OR52A1: variants seen among roughly 807,000 people sequenced by gnomAD.
OR52A1 encodes olfactory receptor 52A1.
Under a neutral mutation model 14.3 loss-of-function variants are expected in OR52A1, and 14 were observed. The observed-to-expected ratio is 0.98, with a 90% CI of 0.65 to 1.54. The LOEUF is 1.54. OR52A1 is among the 40% of genes most tolerant of loss of function. The pLI, the probability that OR52A1 is intolerant of heterozygous loss-of-function variation, is 0.00. For synonymous variants in OR52A1, 151 were observed against 135.3 expected, an observed-to-expected ratio of 1.12 and a Z score of -0.80; for missense variants, 405 against 381.3, an observed-to-expected ratio of 1.06 and a Z score of -0.52.
rs1472991414 is a variant in OR52A1, at chr11:5,148,971, TA to T, written c.*2459del. The T allele has an allele frequency of 6.6e-6, 1 of 152,254 alleles. No individual in the cohort carries two copies. Among genetic ancestry groups the T allele is most frequent in the Non-Finnish European group, 1.5e-5 (1 of 68,038 alleles). 9.4% of individuals were successfully genotyped at this position (152,254 alleles called of 1,614,324 possible). ...ATTTTAGTCATTGTTGAAATTGATG[TA>T]ATCTCCTGGAAGTTAATTTTATGAT... On this transcript the variant is annotated 3_prime_UTR_variant, in exon 2 of 2. Transcript: ENST00000380367.
Position 5,151,841 on chromosome 11 carries a change from T to A in OR52A1, c.529A>T (p.Ile177Phe). Reference sequence around the variant, plus strand: ...ATATGCTCACAGTAGGAGTGGGAGATGACTGTTGTGTGATAAAATTGAAAC... The same window carrying A: ...ATATGCTCACAGTAGGAGTGGGAGAAGACTGTTGTGTGATAAAATTGAAAC... The part of the protein sequence containing the change: ...CRFQFYHTTV[I>F]SHSYCEHMAI... Residue 177 changes from isoleucine (I) to phenylalanine (F), a missense_variant, in exon 2 of 2, where the codon ATC (isoleucine) becomes TTC (phenylalanine). By Grantham distance (21) the Ile-to-Phe change is conservative (BLOSUM62 0). Coordinates refer to ENST00000380367, the MANE Select transcript of OR52A1 (RefSeq NM_012375.3). The A allele has an allele frequency of 6.2e-7, 1 of 1,614,118 alleles. No homozygotes were observed. Among genetic ancestry groups the A allele is most frequent in the Non-Finnish European group, 8.5e-7 (1 of 1,180,010 alleles).
At position 5,151,566 on chromosome 11, in the gene OR52A1, C is replaced by T; in HGVS notation, c.804G>A (p.Gly268=). The T allele has an allele frequency of 6.4e-7, 1 of 1,557,610 alleles. No homozygotes were observed. The highest frequency in any genetic ancestry group is 8.7e-7 in the Non-Finnish European group (1 of 1,150,560). ...AFFSFFTHRF[G]SHISPYIHIL... is the part of the protein sequence containing the mutation. ...TATGGATATAAGGGGAGATGTGAGA[C>T]CCAAACCTATGTGTGAAGAAGGAGA... Residue 268 remains glycine (G), a synonymous_variant, in exon 2 of 2, where the codon GGG becomes GGA. Coordinates refer to ENST00000380367, the MANE Select transcript of OR52A1 (RefSeq NM_012375.3).
rs762373256 is a variant in OR52A1 at position 5,154,529 on chromosome 11, T to G, written c.-404A>C. 5 of 152,262 alleles carry G rather than the reference T, an allele frequency of 3.3e-5. No homozygotes were observed. The highest frequency in any genetic ancestry group is 5.9e-5 in the Non-Finnish European group (4 of 68,052). The allele number at this position is 152,262 out of a possible 1,614,324, so 9.4% of individuals were successfully genotyped here. A position where few individuals can be genotyped will look rare whatever the true frequency, so the allele number is the denominator to read the frequency against. On this transcript the variant is annotated 5_prime_UTR_variant, in exon 1 of 2. Transcript: ENST00000380367. Reference sequence around the variant, plus strand: ...GGCTCTACTTTCTGTCTGCACTCTGTGTAACAGCATCCAGCTAATGTCATA... The same window carrying G: ...GGCTCTACTTTCTGTCTGCACTCTGGGTAACAGCATCCAGCTAATGTCATA...
rs1846492734 is a variant in OR52A1 at position 5,147,468 on chromosome 11, A to G, written c.*3963T>C. 6.6e-6 allele frequency: 1 copy of G among 152,210 alleles called. No homozygotes were observed. Among genetic ancestry groups the G allele is most frequent in the Non-Finnish European group, 1.5e-5 (1 of 68,050 alleles). The allele number at this position is 152,210 out of a possible 1,614,324, so 9.4% of individuals were successfully genotyped here. On this transcript the variant is annotated 3_prime_UTR_variant, in exon 2 of 2. Coordinates refer to ENST00000380367, the MANE Select transcript of OR52A1 (RefSeq NM_012375.3). ...ACAAAAGACTGACTTGCCCCAATCA[A>G]GAGAGAATTCTGCCAGGAGACTGCC...
chr11:5,149,711 A>G lies in OR52A1; in HGVS notation c.*1720T>C, dbSNP rs1846520770. ...ATATATTATTTGGCCATTTATGTAAAAGTTTGCTGAATTCTGGCTAAAATA... is the reference window on the plus strand; with the variant it reads ...ATATATTATTTGGCCATTTATGTAAGAGTTTGCTGAATTCTGGCTAAAATA... On this transcript the variant is annotated 3_prime_UTR_variant, in exon 2 of 2. Transcript: ENST00000380367. 6.6e-6 allele frequency: 1 copy of G among 152,130 alleles called. No individual in the cohort carries two copies. The highest frequency in any genetic ancestry group is 2.1e-4 in the South Asian group (1 of 4,832). The allele number at this position is 152,130 out of a possible 1,614,324, so 9.4% of individuals were successfully genotyped here.
Position 5,151,013 on chromosome 11 carries a change from A to T in OR52A1, c.*418T>A. ...ACACAGTTAACATGTACTTCCTTTG[A>T]TTTTTTTTTTTAAGGCAGGGATGAT... is the stretch of plus-strand genomic sequence containing the variant. On this transcript the variant is annotated 3_prime_UTR_variant, in exon 2 of 2. Transcript: ENST00000380367. The T allele has an allele frequency of 6.8e-6, 1 of 148,048 alleles. No individual in the cohort carries two copies. Among genetic ancestry groups the T allele is most frequent in the Non-Finnish European group, 1.5e-5 (1 of 67,202 alleles). 9.2% of individuals were successfully genotyped at this position (148,048 alleles called of 1,614,324 possible).
Position 5,150,258 on chromosome 11 carries a change from TGTA to T in OR52A1, c.*1170_*1172del, listed in dbSNP as rs1198543995. On this transcript the variant is annotated 3_prime_UTR_variant, in exon 2 of 2. Transcript: ENST00000380367. ...CACACACACACACACACGTCTTACT[TGTA>T]GAACACAAGCAAACAAATGAATACT... is the stretch of plus-strand genomic sequence containing the variant. 1.3e-5 allele frequency: 2 copies of T among 151,922 alleles called. No individual in the cohort carries two copies. Among genetic ancestry groups the T allele is most frequent in the Non-Finnish European group, 2.9e-5 (2 of 68,074 alleles). The allele number at this position is 151,922 out of a possible 1,614,324, so 9.4% of individuals were successfully genotyped here.
In OR52A1 at chr11:5,151,106, G is replaced by A. The variant is rs1451345083; in HGVS notation, c.*325C>T. On this transcript the variant is annotated 3_prime_UTR_variant, in exon 2 of 2. Coordinates refer to ENST00000380367, the MANE Select transcript of OR52A1 (RefSeq NM_012375.3). Reference sequence around the variant, plus strand: ...GATGTTTCAGAACAACGAGCCTTAGGTGCATTTAAATTCAGTGACAAAGGC... The same window carrying A: ...GATGTTTCAGAACAACGAGCCTTAGATGCATTTAAATTCAGTGACAAAGGC... 3 of 193,050 alleles carry A rather than the reference G, an allele frequency of 1.6e-5. No individual in the cohort carries two copies. Among genetic ancestry groups the A allele is most frequent in the Non-Finnish European group, 3.2e-5 (3 of 94,470 alleles). The allele number at this position is 193,050 out of a possible 1,614,324, so 12.0% of individuals were successfully genotyped here.
Position 5,148,849 on chromosome 11 carries a change from T to C in OR52A1, c.*2582A>G, listed in dbSNP as rs894866044. On this transcript the variant is annotated 3_prime_UTR_variant, in exon 2 of 2. Transcript: ENST00000380367. The stretch of plus-strand genomic sequence containing the variant: ...GATAGCAGCACAAATATTTCTTTGT[T>C]AAATGCTAATTATAAAGGGAATCAT... The C allele has an allele frequency of 6.6e-6, 1 of 152,214 alleles. No individual in the cohort carries two copies. The highest frequency in any genetic ancestry group is 1.5e-5 in the Non-Finnish European group (1 of 68,032). 9.4% of individuals were successfully genotyped at this position (152,214 alleles called of 1,614,324 possible).
rs534165487 is a variant in OR52A1, at chr11:5,147,514, C to T, written c.*3917G>A. The stretch of plus-strand genomic sequence containing the variant: ...CTGCCTTTGGACTTAAATTACAACA[C>T]TGGCTCTTCCCTGAGTCTCCAGCCT... On this transcript the variant is annotated 3_prime_UTR_variant, in exon 2 of 2. Transcript: ENST00000380367. 3.9e-5 allele frequency: 6 copies of T among 152,330 alleles called. No homozygotes were observed. In the East Asian group the frequency reaches 1.2e-3, roughly 29 times the overall value. The allele number at this position is 152,330 out of a possible 1,614,324, so 9.4% of individuals were successfully genotyped here.
rs1846535541 is a variant in OR52A1, at chr11:5,151,220, C to G, written c.*211G>C. 4 of 475,864 alleles carry G rather than the reference C, an allele frequency of 8.4e-6. No individual in the cohort carries two copies. In the South Asian group the frequency reaches 1.6e-4, roughly 19 times the overall value. The allele number at this position is 475,864 out of a possible 1,614,324, so 29.5% of individuals were successfully genotyped here. A position where few individuals can be genotyped will look rare whatever the true frequency, so the allele number is the denominator to read the frequency against. ...TAAAAGAGAAAAAATAATATATATT[C>G]ACTACTTCACTCATTTCACACTTCT... On this transcript the variant is annotated 3_prime_UTR_variant, in exon 2 of 2. Transcript: ENST00000380367.
In OR52A1 at chr11:5,151,877, T is replaced by G; in HGVS notation, c.493A>C (p.Ile165Leu). The G allele has an allele frequency of 6.2e-7, 1 of 1,614,158 alleles. No individual in the cohort carries two copies. Among genetic ancestry groups the G allele is most frequent in the Non-Finnish European group, 8.5e-7 (1 of 1,180,028 alleles). The change falls in exon 2 of 2, where the codon ATA (isoleucine) becomes CTA (leucine). Residue 165 changes from isoleucine to leucine, a missense_variant. Ile to Leu is a conservative substitution (Grantham distance 5). Coordinates refer to ENST00000380367, the MANE Select transcript of OR52A1 (RefSeq NM_012375.3). ...TGATAAAATTGAAACCGGCACTTTA[T>G]CAGTACTAGGCATGGGGCTACAAGA... The part of the protein sequence containing the change: ...AILVAPCLVL[I>L]KCRFQFYHTT...
chr11:5,151,397 G>T lies in OR52A1; in HGVS notation c.*34C>A, dbSNP rs1192162656. The T allele has an allele frequency of 6.6e-7, 1 of 1,525,920 alleles. No homozygotes were observed. The allele number at this position is 1,525,920 out of a possible 1,614,324, so 94.5% of individuals were successfully genotyped here. A position where few individuals can be genotyped will look rare whatever the true frequency, so the allele number is the denominator to read the frequency against. On this transcript the variant is annotated 3_prime_UTR_variant, in exon 2 of 2. Transcript: ENST00000380367. Reference sequence around the variant, plus strand: ...TTTTGATATGGTTACTACTGCAAAAGAAAAAAGCATGTAGGCATTAATTAA... The same window carrying T: ...TTTTGATATGGTTACTACTGCAAAATAAAAAAGCATGTAGGCATTAATTAA...
At position 5,148,943 on chromosome 11, in the gene OR52A1, A is replaced by G. The variant is rs1846512920; in HGVS notation, c.*2488T>C. ...AGTGTTGTTAAGAATTTAGGCAAACATTATTTTAGTCATTGTTGAAATTGA... is the reference window on the plus strand; with the variant it reads ...AGTGTTGTTAAGAATTTAGGCAAACGTTATTTTAGTCATTGTTGAAATTGA... On this transcript the variant is annotated 3_prime_UTR_variant, in exon 2 of 2. Coordinates refer to ENST00000380367, the MANE Select transcript of OR52A1 (RefSeq NM_012375.3). 1 of 152,232 alleles carries G rather than the reference A, an allele frequency of 6.6e-6. No individual in the cohort carries two copies. The highest frequency in any genetic ancestry group is 2.4e-5 in the African/African-American group (1 of 41,448). 9.4% of individuals were successfully genotyped at this position (152,232 alleles called of 1,614,324 possible). A position where few individuals can be genotyped will look rare whatever the true frequency, so the allele number is the denominator to read the frequency against.
chr11:5,152,055 G>A lies in OR52A1; in HGVS notation c.315C>T (p.Phe105=), dbSNP rs1315987045. The part of the protein sequence containing the change: ...YFDSCLLQMW[F]IHTLQGIESG... ...ACTCTATACCCTGCAATGTGTGGAT[G>A]AACCACATTTGAAGCAAGCAGGAAT... is the stretch of plus-strand genomic sequence containing the variant. The change falls in exon 2 of 2, where the codon TTC becomes TTT. Residue 105 remains phenylalanine, a synonymous_variant. Coordinates refer to ENST00000380367, the MANE Select transcript of OR52A1 (RefSeq NM_012375.3). The A allele has an allele frequency of 6.2e-7, 1 of 1,613,876 alleles. No individual in the cohort carries two copies. Among genetic ancestry groups the A allele is most frequent in the Non-Finnish European group, 8.5e-7 (1 of 1,179,942 alleles).
At position 5,151,407 on chromosome 11, in the gene OR52A1, T is replaced by C. The variant is rs748393367; in HGVS notation, c.*24A>G. 6 of 1,555,486 alleles carry C rather than the reference T, an allele frequency of 3.9e-6. No individual in the cohort carries two copies. The highest frequency in any genetic ancestry group is 1.4e-5 in the African/African-American group (1 of 73,228). ...GTTACTACTGCAAAAGAAAAAAGCA[T>C]GTAGGCATTAATTAAGGTGGATTTT... On this transcript the variant is annotated 3_prime_UTR_variant, in exon 2 of 2. Transcript: ENST00000380367.
rs1472220181 is a variant in OR52A1, at chr11:5,149,460, G to A, written c.*1971C>T. 1 of 151,876 alleles carries A rather than the reference G, an allele frequency of 6.6e-6. No homozygotes were observed. The highest frequency in any genetic ancestry group is 2.4e-5 in the African/African-American group (1 of 41,330). 9.4% of individuals were successfully genotyped at this position (151,876 alleles called of 1,614,324 possible). A position where few individuals can be genotyped will look rare whatever the true frequency, so the allele number is the denominator to read the frequency against. On this transcript the variant is annotated 3_prime_UTR_variant, in exon 2 of 2. Coordinates refer to ENST00000380367, the MANE Select transcript of OR52A1 (RefSeq NM_012375.3). ...GAATATTTGTAATCAATTTGGTGAT[G>A]GGGAAACTCTAACTTTCAGCTACAC...
In OR52A1 at chr11:5,151,546, A is replaced by G. The variant is rs879018481; in HGVS notation, c.824T>C (p.Ile275Thr). The G allele has an allele frequency of 1.1e-5, 18 of 1,610,268 alleles. No individual in the cohort carries two copies. The highest frequency in any genetic ancestry group is 3.3e-4 in the Middle Eastern group (2 of 6,074). ...GTAAATGCTAGAAAAGAGAATATGG[A>G]TATAAGGGGAGATGTGAGACCCAAA... is the stretch of plus-strand genomic sequence containing the variant. The part of the protein sequence containing the change: ...HRFGSHISPY[I>T]HILFSSIYLL... Residue 275 changes from isoleucine (I) to threonine (T), a missense_variant, in exon 2 of 2, where the codon ATC becomes ACC. By Grantham distance (89) the Ile-to-Thr change is moderately conservative. Coordinates refer to ENST00000380367, the MANE Select transcript of OR52A1 (RefSeq NM_012375.3).
At chr11:5,154,142 T>C (rs1245463010) in intron 1 of OR52A1, among the ~76,000 whole-genome samples, 2 of 152,190 alleles carry the variant, frequency 1.3e-5, no homozygotes, top group Non-Finnish European at 2.9e-5. Flanking sequence ...TCTCCAAAGA[T>C]AATCACAATT....
Sources: gnomAD v4.1 joint callset for allele counts (sites outside exome capture counted in the v4.1 genomes callset) on GRCh38, gnomAD v4.1.1 for gene constraint, MANE v1.5 for transcripts, NCBI Gene and HGNC (gene_info 2026-07-23, HGNC 2026-07-21) for gene names.